Variants in ZC4H2 observed in about 807,000 individuals in gnomAD.
ZC4H2 encodes the protein zinc finger C4H2 domain-containing protein.
For synonymous variants in ZC4H2, 84 were observed against 66.3 expected (o/e 1.27, Z -1.30); for missense variants, 137 against 173.9 (o/e 0.79, Z 1.19).
intron 1 of ZC4H2, among the ~76,000 whole-genome samples, chrX:65,032,020 CT>C (rs1033882152): frequency 9.0e-6 from 1 of 111,382 alleles, no homozygotes; most frequent in Non-Finnish European, 1.9e-5. Flanking sequence ...AATCAGCTTT[CT>C]TTTTTTTCCA....
chrX:64,954,081 C>T (rs1276308996), intron 1 of ZC4H2, among the ~76,000 whole-genome samples: 1 of 105,953 alleles, frequency 9.4e-6, no homozygotes, highest in Non-Finnish European at 1.9e-5. Context: ...AAAAACCAAA[C>T]ACTGCATGTT....
intron 1 of ZC4H2, among the ~76,000 whole-genome samples, chrX:64,960,327 A>G (rs1931335705): frequency 1.8e-5 from 2 of 110,473 alleles, no homozygotes; most frequent in Admixed American, 1.9e-4. Context: ...TTTTTAATGA[A>G]AAAAAGGGGA....
At chrX:65,002,335 CGTCCGGG>C (rs1385476148) in intron 1 of ZC4H2, among the ~76,000 whole-genome samples, 7 of 109,164 alleles carry the variant, frequency 6.4e-5, no homozygotes, top group Admixed American at 4.8e-4. Flanking sequence ...CCAGCCGCCC[CGTCCGGG>C]AGGGAGGCAG....
At chrX:64,977,743 C>T (rs1018629260), upstream of ZC4H2, among the ~76,000 whole-genome samples, 9 of 111,566 alleles carry the variant, frequency 8.1e-5, no homozygotes, top group African/African-American at 2.9e-4. Context: ...TCAAGCAATC[C>T]ACCCGCCTCA....
At chrX:64,985,591 C>A (rs752268068) in intron 1 of ZC4H2, among the ~76,000 whole-genome samples, 1 of 110,930 alleles carries the variant, frequency 9.0e-6, no homozygotes, top group Non-Finnish European at 1.9e-5. Flanking sequence ...TGGAGATGGG[C>A]CCGTAAATAA....
At chrX:64,975,632 C>T (rs1602432710) in intron 1 of ZC4H2, among the ~76,000 whole-genome samples, 1 of 111,283 alleles carries the variant, frequency 9.0e-6, no homozygotes, top group Admixed American at 9.5e-5. Flanking sequence ...CAGGAGCAAC[C>T]GTGTAGCGGA....
At chrX:65,004,447 A>G (rs1462884693) in intron 1 of ZC4H2, among the ~76,000 whole-genome samples, 1 of 112,259 alleles carries the variant, frequency 8.9e-6, no homozygotes, top group Non-Finnish European at 1.9e-5. Context: ...CAATAAACGT[A>G]ATCCATCACA....
At chrX:64,973,924 T>C (rs1334694670) in intron 1 of ZC4H2, among the ~76,000 whole-genome samples, 1 of 111,524 alleles carries the variant, frequency 9.0e-6, no homozygotes, top group African/African-American at 3.3e-5. Context: ...TTTCAGAAGG[T>C]TGATTACAAT....
intron 1 of ZC4H2, among the ~76,000 whole-genome samples, chrX:64,987,379 TG>T (rs765603417): frequency 9.0e-6 from 1 of 110,634 alleles, no homozygotes; most frequent in East Asian, 2.8e-4. Flanking sequence ...TGTGTAGTAT[TG>T]GTGGTGGAAA....
intron 1 of ZC4H2, among the ~76,000 whole-genome samples, chrX:64,924,238 T>C (rs914908384): frequency 8.9e-6 from 1 of 112,351 alleles, no homozygotes; most frequent in Non-Finnish European, 1.9e-5. Flanking sequence ...ACTTCAATTA[T>C]AAATCCTGGT....
intron 1 of ZC4H2, among the ~76,000 whole-genome samples, chrX:64,928,632 C>CTTCTTCTT (rs1929543668): frequency 2.4e-5 from 2 of 83,338 alleles, no homozygotes; most frequent in African/African-American, 9.8e-5. Context: ...CCTGCTTTCT[C>CTTCTTCTT]CTTCTTCTTC....
chrX:64,949,707 T>A (rs1930699705), intron 1 of ZC4H2, among the ~76,000 whole-genome samples: 2 of 111,841 alleles, frequency 1.8e-5, no homozygotes, highest in African/African-American at 6.5e-5. Context: ...CCTTTATCAT[T>A]TTTTATGGCA....
Position 64,999,068 on chromosome X carries a change from T to TTTTTTA in ZC4H2, c.-272+35560_-272+35561insTAAAAA, listed in dbSNP as rs1555948665. ...TTTTTTTTTTTTTTTTTTTTTTTTT[T>TTTTTTA]AATCTATTCTGCCAATCTTTGTCCT... On this transcript the variant is annotated intron_variant, in intron 1 of 4. Coordinates refer to the ZC4H2 transcript ENST00000337990. 1.1e-4 allele frequency among the ~76,000 whole-genome samples: 8 copies of TTTTTTA among 75,761 alleles called. 1 individual carries two copies. The highest frequency in any genetic ancestry group is 3.6e-4 in the African/African-American group (8 of 22,250). The allele number at this position is 75,761 out of a possible 115,157, so 65.8% of individuals were successfully genotyped here.
chrX:65,026,928 T>C (rs1932885661), intron 1 of ZC4H2, among the ~76,000 whole-genome samples: 2 of 111,956 alleles, frequency 1.8e-5, no homozygotes, highest in African/African-American at 3.3e-5. Flanking sequence ...GGTAGAAAAG[T>C]TGCTGCTGCC....
At chrX:64,968,386 A>T (rs1210180448) in intron 1 of ZC4H2, among the ~76,000 whole-genome samples, 1 of 111,580 alleles carries the variant, frequency 9.0e-6, no homozygotes, top group Non-Finnish European at 1.9e-5. Flanking sequence ...TTAAAGCCAT[A>T]AAAACCAGGC....
chrX:64,965,107 C>A (rs1037007100), intron 1 of ZC4H2, among the ~76,000 whole-genome samples: 7 of 111,768 alleles, frequency 6.3e-5, no homozygotes, highest in Non-Finnish European at 1.3e-4. Flanking sequence ...TGAAATCTAA[C>A]AAACTAATCT....
intron 1 of ZC4H2, among the ~76,000 whole-genome samples, chrX:64,998,326 A>C (rs1932459037): frequency 8.9e-6 from 1 of 112,198 alleles, no homozygotes; most frequent in South Asian, 3.7e-4. Flanking sequence ...TGGAAAATAT[A>C]TTCCATCCAA....
At chrX:64,947,504 T>G (rs1029868452) in intron 1 of ZC4H2, among the ~76,000 whole-genome samples, 3 of 112,707 alleles carry the variant, frequency 2.7e-5, no homozygotes. Flanking sequence ...CCATAATAAA[T>G]TAAAATTAGG....
intron 1 of ZC4H2, among the ~76,000 whole-genome samples, chrX:64,954,340 T>TTATA (rs1230242512): frequency 2.8e-5 from 2 of 70,705 alleles, no homozygotes; most frequent in Non-Finnish European, 4.6e-5. Context: ...ATATATATAA[T>TTATA]TATATATATA....
Sources: gnomAD v4.1 joint callset for allele counts (sites outside exome capture counted in the v4.1 genomes callset) on GRCh38, gnomAD v4.1.1 for gene constraint, MANE v1.5 for transcripts, NCBI Gene and HGNC (gene_info 2026-07-23, HGNC 2026-07-21) for gene names.